The following EGFLAM variants were observed in gnomAD, a reference collection of about 807,000 sequenced individuals.
The protein encoded by EGFLAM is EGF like, fibronectin type III and laminin G domains.
In EGFLAM, 79 loss-of-function variants were observed where a neutral mutation model predicts 113.1. The ratio of observed to expected loss-of-function variants is 0.70; its 90% CI spans 0.58 to 0.84. The LOEUF (loss-of-function observed/expected upper bound fraction) is 0.84, where lower values mean the gene tolerates loss of function less well. EGFLAM is among the 40% of genes least tolerant of loss of function. The pLI is 0.00. For synonymous variants in EGFLAM, 504 were observed against 487.6 expected (o/e 1.03, Z -0.44); for missense variants, 1,265 against 1,291.6 (o/e 0.98, Z 0.32).
At chr5:38,305,345 A>T (rs1300405978) in intron 1 of EGFLAM, 1 of 316,496 alleles carries the variant, frequency 3.2e-6, no homozygotes, top group East Asian at 9.6e-5. Flanking sequence ...AATTATTTCT[A>T]ACCTAGAATT....
At chr5:38,300,273 C>T (rs974471889) in intron 1 of EGFLAM, among the ~76,000 whole-genome samples, 1 of 152,186 alleles carries the variant, frequency 6.6e-6, no homozygotes, top group Non-Finnish European at 1.5e-5. Flanking sequence ...TCCCAAGGGG[C>T]ACATTTACAC....
chr5:38,372,528 C>A (rs1425795477), intron 6 of EGFLAM, among the ~76,000 whole-genome samples: 1 of 152,172 alleles, frequency 6.6e-6, no homozygotes, highest in Non-Finnish European at 1.5e-5. Flanking sequence ...TTCCCCATTG[C>A]TGGATCCTGC....
At chr5:38,288,922 TACCCC>T (rs1418108155) in intron 1 of EGFLAM, among the ~76,000 whole-genome samples, 1 of 152,032 alleles carries the variant, frequency 6.6e-6, no homozygotes, top group Non-Finnish European at 1.5e-5. Flanking sequence ...AAGTAGAAGC[TACCCC>T]ACCCTCATGT....
intron 17 of EGFLAM, among the ~76,000 whole-genome samples, chr5:38,442,029 T>C (rs1007933626): frequency 5.9e-5 from 9 of 152,188 alleles, no homozygotes; most frequent in African/African-American, 1.9e-4. Flanking sequence ...TGCTGCCTGA[T>C]TAATACTGAC....
At chr5:38,361,235 G>T (rs1016654409) in intron 5 of EGFLAM, among the ~76,000 whole-genome samples, 9 of 152,022 alleles carry the variant, frequency 5.9e-5, no homozygotes, top group Non-Finnish European at 1.0e-4. Flanking sequence ...GCTTACTCTT[G>T]TTCATCCTTC....
intron 1 of EGFLAM, among the ~76,000 whole-genome samples, chr5:38,320,404 G>A (rs1281521468): frequency 1.3e-5 from 2 of 152,186 alleles, no homozygotes; most frequent in African/African-American, 4.8e-5. Context: ...AAAGAAGCTT[G>A]AGAACCACTG....
chr5:38,354,316 A>G (rs968558882), intron 5 of EGFLAM, among the ~76,000 whole-genome samples: 1 of 152,222 alleles, frequency 6.6e-6, no homozygotes, highest in Non-Finnish European at 1.5e-5. Flanking sequence ...TGAAAATCCT[A>G]AAACTTCAGC....
At chr5:38,346,706 G>C (rs1739480816) in intron 3 of EGFLAM, among the ~76,000 whole-genome samples, 1 of 152,010 alleles carries the variant, frequency 6.6e-6, no homozygotes, top group Admixed American at 6.5e-5. Flanking sequence ...AAAACTGGGA[G>C]AGTGCTGTGT....
intron 1 of EGFLAM, among the ~76,000 whole-genome samples, chr5:38,316,031 C>T (rs566294216): frequency 2.0e-5 from 3 of 149,870 alleles, no homozygotes; most frequent in Non-Finnish European, 2.9e-5. Flanking sequence ...GAGCTCAGAT[C>T]GCGCCACTGC....
intron 10 of EGFLAM, among the ~76,000 whole-genome samples, chr5:38,411,664 G>A (rs932798240): frequency 6.6e-6 from 1 of 151,592 alleles, no homozygotes; most frequent in African/African-American, 2.4e-5. Flanking sequence ...TGTATTTTTA[G>A]TAGAGACAGG....
At chr5:38,458,481 G>A in intron 20 of EGFLAM, 87 bp downstream of exon 20, 2 of 1,336,690 alleles carry the variant, frequency 1.5e-6, no homozygotes, top group Non-Finnish European at 2.0e-6. Flanking sequence ...CCACTGTCCT[G>A]TTCCCCAACT....
chr5:38,376,196 G>C (rs974228928), intron 6 of EGFLAM, among the ~76,000 whole-genome samples: 1 of 152,182 alleles, frequency 6.6e-6, no homozygotes. Context: ...CAACTACTGA[G>C]CTTGAAGCTT....
chr5:38,381,885 C>G (rs1276005998), intron 6 of EGFLAM, among the ~76,000 whole-genome samples: 2 of 152,092 alleles, frequency 1.3e-5, no homozygotes, highest in Non-Finnish European at 2.9e-5. Flanking sequence ...GGATCTGCCA[C>G]TTGATTCCTA....
intron 3 of EGFLAM, among the ~76,000 whole-genome samples, chr5:38,342,087 T>G (rs1739353126): frequency 6.6e-6 from 1 of 152,172 alleles, no homozygotes; most frequent in Non-Finnish European, 1.5e-5. Flanking sequence ...ATCTCCCTCT[T>G]GCTGATTAAG....
chr5:38,365,283 GT>G (rs1200877435), intron 5 of EGFLAM, among the ~76,000 whole-genome samples: 2 of 152,176 alleles, frequency 1.3e-5, no homozygotes, highest in Non-Finnish European at 2.9e-5. Flanking sequence ...AGGAGAATCG[GT>G]TTGTGAAACT....
At chr5:38,273,622 G>A (rs1279648243) in intron 1 of EGFLAM, among the ~76,000 whole-genome samples, 2 of 152,214 alleles carry the variant, frequency 1.3e-5, no homozygotes, top group Non-Finnish European at 2.9e-5. Context: ...TGACAGACCT[G>A]GGCTTAGAGG....
rs1031728255 is a variant in EGFLAM at position 38,451,339 on chromosome 5, G to A, written c.2568G>A (p.Val856=). Residue 856 remains valine (V), a synonymous_variant, in exon 19 of 22, where the codon GTG becomes GTA. Coordinates refer to ENST00000322350, the MANE Select transcript of EGFLAM (RefSeq NM_152403.4). ...GGGTGTCAGGATCAAGATCAAATGT[G>A]TTCATGAGGTTTAAAACAACTGCCA... The part of the protein sequence containing the change: ...LKRVSGSRSN[V]FMRFKTTAKD... 6.2e-7 allele frequency: 1 copy of A among 1,614,194 alleles called. No individual in the cohort carries two copies. The highest frequency in any genetic ancestry group is 8.5e-7 in the Non-Finnish European group (1 of 1,180,006).
intron 12 of EGFLAM, among the ~76,000 whole-genome samples, chr5:38,424,292 C>T (rs1741928138): frequency 6.6e-6 from 1 of 152,210 alleles, no homozygotes; most frequent in East Asian, 1.9e-4. Flanking sequence ...AGAACTCACT[C>T]ATCAGATGTT....
At chr5:38,345,605 TA>T (rs1158068879) in intron 3 of EGFLAM, 5 of 152,302 alleles carry the variant, frequency 3.3e-5, no homozygotes, top group African/African-American at 1.2e-4. Context: ...AGGAAGGGCC[TA>T]GGGGAGACTG....
Sources: gnomAD v4.1 joint callset for allele counts (sites outside exome capture counted in the v4.1 genomes callset) on GRCh38, gnomAD v4.1.1 for gene constraint, MANE v1.5 for transcripts, NCBI Gene and HGNC (gene_info 2026-07-23, HGNC 2026-07-21) for gene names.